The following RDX variants were observed in gnomAD, a reference collection of about 807,000 sequenced individuals.
RDX encodes radixin.
RDX carries 32 observed loss-of-function variants against 83.7 expected under a neutral mutation model. The ratio of observed to expected loss-of-function variants is 0.38; its 90% CI spans 0.29 to 0.51. RDX has a LOEUF of 0.51. Ranked by LOEUF, RDX falls within the 20% of genes least tolerant of loss-of-function variation. RDX has a pLI of 0.87. For synonymous variants in RDX, 229 were observed against 222.7 expected, an observed-to-expected ratio of 1.03 and a Z score of -0.25; for missense variants, 600 against 689.9, an observed-to-expected ratio of 0.87 and a Z score of 1.46.
At chr11:110,249,142 T>C (rs544040441) in intron 9 of RDX, among the ~76,000 whole-genome samples, 7 of 152,350 alleles carry the variant, frequency 4.6e-5, no homozygotes, top group South Asian at 4.1e-4. Context: ...GAAACTCTTA[T>C]TATCAGACAA....
intron 2 of RDX, among the ~76,000 whole-genome samples, chr11:110,273,845 G>T (rs918446908): frequency 1.3e-5 from 2 of 151,926 alleles, no homozygotes; most frequent in East Asian, 3.8e-4. Flanking sequence ...AACCTGTAGC[G>T]ATTCCTACTA....
intron 3 of RDX, among the ~76,000 whole-genome samples, chr11:110,269,959 T>C (rs1287362735): frequency 6.6e-6 from 1 of 152,080 alleles, no homozygotes; most frequent in Non-Finnish European, 1.5e-5. Context: ...GGAGGATCGC[T>C]TGAGCCTGGG....
chr11:110,281,639 G>T (rs1483526377), intron 1 of RDX, among the ~76,000 whole-genome samples: 3 of 152,050 alleles, frequency 2.0e-5, no homozygotes, highest in African/African-American at 7.2e-5. Flanking sequence ...TCTGCTGGAG[G>T]TATAAACCCC....
chr11:110,258,867 CT>C (rs11421586), intron 5 of RDX, among the ~76,000 whole-genome samples: 3,001 of 94,460 alleles, frequency 0.032, 41 homozygotes, highest in African/African-American at 0.12. Context: ...CAAATACATT[CT>C]TTTTTTTTTT....
At position 110,284,386 on chromosome 11, in the gene RDX, T is replaced by C. The variant is rs1352570951; in HGVS notation, c.-64-4630A>G. 3.9e-5 allele frequency among the ~76,000 whole-genome samples: 6 copies of C among 152,330 alleles called. No individual in the cohort carries two copies. In the East Asian group the frequency reaches 5.8e-4, roughly 15 times the overall value. The stretch of plus-strand genomic sequence containing the variant: ...TTGATACTATGTGATAACATGGACT[T>C]CTCCAGGGTTGTGGGGGTTTTTTAT... On this transcript the variant is annotated intron_variant, in intron 1 of 13. Coordinates refer to ENST00000645495, the MANE Select transcript of RDX (RefSeq NM_002906.4).
chr11:110,264,126 G>A lies in RDX; in HGVS notation c.301C>T (p.Leu101Phe), dbSNP rs770252893. 1 of 1,613,656 alleles carries A rather than the reference G, an allele frequency of 6.2e-7. No individual in the cohort carries two copies. The highest frequency in any genetic ancestry group is 1.1e-5 in the South Asian group (1 of 91,082). The change falls in exon 5 of 14, where the codon CTC (leucine) becomes TTC (phenylalanine). Residue 101 changes from leucine to phenylalanine, a missense_variant. Transcript: ENST00000645495. ...EELIQEITQR[L>F]FFLQVKEAIL... Reference sequence around the variant, plus strand: ...GCTTCTTTAACTTGCAAGAAGAAGAGTCTCTGGGTTATTTCTTGAATTAAT... The same window carrying A: ...GCTTCTTTAACTTGCAAGAAGAAGAATCTCTGGGTTATTTCTTGAATTAAT...
chr11:110,175,664 A>G (rs1862759203), intron 15 of RDX, among the ~76,000 whole-genome samples: 3 of 152,186 alleles, frequency 2.0e-5, no homozygotes. Flanking sequence ...CTCAGCCTTC[A>G]AAGCCCTCTC....
intron 14 of RDX, among the ~76,000 whole-genome samples, chr11:110,207,616 T>C (rs1386342253): frequency 6.6e-6 from 1 of 151,844 alleles, no homozygotes; most frequent in African/African-American, 2.4e-5. Context: ...GAATGTTTTT[T>C]ACCTTTTTTT....
intron 1 of RDX, among the ~76,000 whole-genome samples, chr11:110,293,614 T>C (rs1162444210): frequency 2.0e-5 from 3 of 152,158 alleles, no homozygotes; most frequent in Non-Finnish European, 4.4e-5. Context: ...TAAAATAATC[T>C]TTTAAGGGTA....
chr11:110,187,432 T>A (rs1358614550), intron 15 of RDX, among the ~76,000 whole-genome samples: 1 of 152,206 alleles, frequency 6.6e-6, no homozygotes, highest in East Asian at 1.9e-4. Flanking sequence ...AGCACCTTCC[T>A]ACCCAGATAG....
chr11:110,287,344 T>C (rs1044349310), intron 1 of RDX: 1 of 152,114 alleles, frequency 6.6e-6, no homozygotes, highest in African/African-American at 2.4e-5. Flanking sequence ...CCCATCTCTA[T>C]AAAAAATAAA....
intron 15 of RDX, among the ~76,000 whole-genome samples, chr11:110,177,349 T>G (rs1862796322): frequency 2.0e-5 from 3 of 152,192 alleles, no homozygotes; most frequent in Non-Finnish European, 4.4e-5. Context: ...TCCTTAATCT[T>G]GAAGCTCAGC....
chr11:110,212,182 T>G (rs1863862283), intron 14 of RDX, among the ~76,000 whole-genome samples: 1 of 151,258 alleles, frequency 6.6e-6, no homozygotes, highest in African/African-American at 2.4e-5. Flanking sequence ...AAATACAAAC[T>G]ACCATCAGAG....
chr11:110,237,064 T>G (rs1299152230), intron 11 of RDX, among the ~76,000 whole-genome samples: 1 of 147,294 alleles, frequency 6.8e-6, no homozygotes, highest in Non-Finnish European at 1.5e-5. Flanking sequence ...GTCCACTAAA[T>G]AAAAAAACCC....
chr11:110,233,140 T>C, intron 13 of RDX, 97 bp downstream of exon 13: 1 of 1,426,916 alleles, frequency 7.0e-7, no homozygotes, highest in East Asian at 2.3e-5. Context: ...GGGCAGCCAG[T>C]ATTAAAACTT....
chr11:110,272,672 G>C (rs1490398558), intron 2 of RDX, 53 bp from the exon 3 acceptor site: 1 of 1,214,472 alleles, frequency 8.2e-7, no homozygotes, highest in Non-Finnish European at 1.2e-6. Context: ...TTAGGCGTGA[G>C]AAAACTTTTA....
chr11:110,189,269 G>GGAATTAAAAAA, intron 15 of RDX, among the ~76,000 whole-genome samples: 1 of 57,318 alleles, frequency 1.7e-5, no homozygotes, highest in South Asian at 5.9e-4. Flanking sequence ...AAAAAAAAAA[G>GGAATTAAAAAA]ACAAGGGCAT....
intron 3 of RDX, among the ~76,000 whole-genome samples, chr11:110,272,250 A>G (rs1262343233): frequency 6.6e-6 from 1 of 152,198 alleles, no homozygotes; most frequent in African/African-American, 2.4e-5. Flanking sequence ...AACTTTGTGG[A>G]TTATCCTTGA....
chr11:110,191,513 A>C (rs1863102982), intron 15 of RDX, among the ~76,000 whole-genome samples: 1 of 152,256 alleles, frequency 6.6e-6, no homozygotes, highest in Non-Finnish European at 1.5e-5. Flanking sequence ...CAAGACAAGG[A>C]TGCCCACTCT....
Sources: gnomAD v4.1 joint callset for allele counts (sites outside exome capture counted in the v4.1 genomes callset) on GRCh38, gnomAD v4.1.1 for gene constraint, MANE v1.5 for transcripts, NCBI Gene and HGNC (gene_info 2026-07-23, HGNC 2026-07-21) for gene names.